Variants in ANO10 observed in about 807,000 individuals in gnomAD.
The protein encoded by ANO10 is anoctamin 10, also known as anoctamin-10.
ANO10 carries 77 observed loss-of-function variants against 74.7 expected under a neutral mutation model. The observed-to-expected ratio is 1.03, with a 90% confidence interval of 0.86 to 1.25. ANO10 has a LOEUF of 1.25. Ranked by LOEUF, ANO10 falls within the 50% of genes most tolerant of loss-of-function variation. The probability of loss-of-function intolerance (pLI) is 0.00; values close to 1 mark genes in which losing one functional copy is unlikely to be tolerated. For missense variants in ANO10, 721 were observed against 778.1 expected (o/e 0.93, Z 0.87); for synonymous variants, 279 against 284.9 (o/e 0.98, Z 0.21).
intron 12 of ANO10, among the ~76,000 whole-genome samples, chr3:43,369,686 T>C (rs1260057727): frequency 6.6e-6 from 1 of 152,124 alleles, no homozygotes; most frequent in Non-Finnish European, 1.5e-5. Flanking sequence ...GGCCATGGTA[T>C]GGAGGGGGGC....
chr3:43,427,687 G>T (rs776903147), intron 12 of ANO10, among the ~76,000 whole-genome samples: 4 of 152,170 alleles, frequency 2.6e-5, no homozygotes, highest in African/African-American at 9.7e-5. Context: ...CTTTTGTTAC[G>T]TGGGAGGAGC....
intron 1 of ANO10, among the ~76,000 whole-genome samples, chr3:43,673,661 GA>G (rs2084086987): frequency 6.6e-6 from 1 of 152,030 alleles, no homozygotes; most frequent in Admixed American, 6.5e-5. Flanking sequence ...AAATAGAGTA[GA>G]AAAATATCTT....
At chr3:43,621,350 C>T (rs952378858) in intron 1 of ANO10, among the ~76,000 whole-genome samples, 2 of 152,130 alleles carry the variant, frequency 1.3e-5, no homozygotes, top group African/African-American at 4.8e-5. Flanking sequence ...CAGTCAAAAG[C>T]CTGGAAACTC....
intron 12 of ANO10, among the ~76,000 whole-genome samples, chr3:43,379,834 C>T (rs557121495): frequency 6.6e-6 from 1 of 152,224 alleles, no homozygotes; most frequent in Admixed American, 6.5e-5. Flanking sequence ...AAACCAAGAT[C>T]AAATCTCTGA....
At chr3:43,606,085 C>T (rs2082551754) in intron 1 of ANO10, among the ~76,000 whole-genome samples, 1 of 152,090 alleles carries the variant, frequency 6.6e-6, no homozygotes, top group Non-Finnish European at 1.5e-5. Flanking sequence ...ATAAGCAGCT[C>T]AGAATGCAGC....
intron 1 of ANO10, among the ~76,000 whole-genome samples, chr3:43,630,338 G>A (rs771561674): frequency 6.6e-6 from 1 of 152,098 alleles, no homozygotes; most frequent in Non-Finnish European, 1.5e-5. Context: ...ACTCAGCTCT[G>A]TACTCTACAT....
intron 11 of ANO10, among the ~76,000 whole-genome samples, chr3:43,460,522 C>A (rs936412769): frequency 1.3e-5 from 2 of 152,170 alleles, no homozygotes; most frequent in African/African-American, 4.8e-5. Flanking sequence ...GTATTCTGCA[C>A]CCTCCCCCTC....
rs554672622 is a variant in ANO10 at position 43,605,234 on chromosome 3, T to G, written c.139+480A>C. On this transcript the variant is annotated intron_variant, in intron 2 of 12. Transcript: ENST00000292246. ...CAGTAAGTATACACGATTCATTTGTTCATGCCATGCACTGCTTTGTGACAG... is the reference window on the plus strand; with the variant it reads ...CAGTAAGTATACACGATTCATTTGTGCATGCCATGCACTGCTTTGTGACAG... Among the ~76,000 whole-genome samples, 36 of 152,310 alleles carry G rather than the reference T, an allele frequency of 2.4e-4. No homozygotes were observed. The East Asian group carries it at 6.8e-3, about 29-fold the overall frequency.
intron 11 of ANO10, among the ~76,000 whole-genome samples, chr3:43,444,892 G>C (rs2093218698): frequency 6.6e-6 from 1 of 152,106 alleles, no homozygotes; most frequent in African/African-American, 2.4e-5. Flanking sequence ...GGGAGGCCAA[G>C]GCGGGCGGAT....
intron 11 of ANO10, among the ~76,000 whole-genome samples, chr3:43,480,458 C>A (rs1273022452): frequency 6.6e-6 from 1 of 152,052 alleles, no homozygotes; most frequent in Non-Finnish European, 1.5e-5. Context: ...GAACAGACCC[C>A]GTGTAAAGGA....
In ANO10 at chr3:43,409,378, TC is replaced by T. The variant is rs2148888523; in HGVS notation, c.1914+23232del. 2.0e-5 allele frequency among the ~76,000 whole-genome samples: 3 copies of T among 152,112 alleles called. No individual in the cohort carries two copies. In the South Asian group the frequency reaches 6.2e-4, roughly 32 times the overall value. ...GCCTGGGCAACACGGCAAAACCCAG[TC>T]TCTAGAAAATATAGAAAAATTAGTC... On this transcript the variant is annotated intron_variant, in intron 12 of 12. Coordinates refer to ENST00000292246, the MANE Select transcript of ANO10 (RefSeq NM_018075.5).
intron 1 of ANO10, chr3:43,639,072 G>A (rs1245717455): frequency 1.3e-5 from 2 of 152,308 alleles, no homozygotes; most frequent in African/African-American, 2.4e-5. Context: ...CTCAGGACAT[G>A]GCATGGGCTT....
intron 11 of ANO10, among the ~76,000 whole-genome samples, chr3:43,492,864 T>C (rs1484436650): frequency 6.6e-6 from 1 of 152,188 alleles, no homozygotes; most frequent in African/African-American, 2.4e-5. Flanking sequence ...TCAACCATTG[T>C]GGAAGACAGT....
chr3:43,660,826 T>C (rs1359211826), intron 1 of ANO10, among the ~76,000 whole-genome samples: 1 of 152,116 alleles, frequency 6.6e-6, no homozygotes, highest in Non-Finnish European at 1.5e-5. Flanking sequence ...TGGTGGTGCA[T>C]GCCTGTAATC....
intron 12 of ANO10, among the ~76,000 whole-genome samples, chr3:43,400,977 C>T (rs955761329): frequency 2.0e-5 from 3 of 152,134 alleles, no homozygotes; most frequent in Non-Finnish European, 4.4e-5. Flanking sequence ...TCCGTTAATC[C>T]TCTTTCATGA....
intron 4 of ANO10, among the ~76,000 whole-genome samples, chr3:43,596,090 C>A (rs931263296): frequency 1.3e-5 from 2 of 152,216 alleles, no homozygotes; most frequent in Admixed American, 1.3e-4. Flanking sequence ...GAATTACAAA[C>A]CACTGCTCAA....
intron 11 of ANO10, among the ~76,000 whole-genome samples, chr3:43,536,965 A>G (rs2078737558): frequency 6.8e-6 from 1 of 147,870 alleles, no homozygotes; most frequent in African/African-American, 2.5e-5. Context: ...AACCATCACC[A>G]TAATCAAGAT....
chr3:43,575,960 A>C (rs1042709784), intron 6 of ANO10, among the ~76,000 whole-genome samples: 12 of 152,210 alleles, frequency 7.9e-5, no homozygotes, highest in Non-Finnish European at 1.8e-4. Context: ...TATGTCCCAT[A>C]AAGTTAAGGC....
chr3:43,370,750 T>G (rs980414894), intron 12 of ANO10, among the ~76,000 whole-genome samples: 8 of 152,222 alleles, frequency 5.3e-5, no homozygotes, highest in Non-Finnish European at 1.0e-4. Flanking sequence ...TCCAAATTAT[T>G]CTTTAAAAAG....
Sources: allele counts gnomAD v4.1 joint callset (sites outside exome capture counted in the v4.1 genomes callset), GRCh38; gene constraint gnomAD v4.1.1; transcripts MANE v1.5; gene names NCBI Gene and HGNC (gene_info 2026-07-23, HGNC 2026-07-21).